ARHGAP6: variants seen among roughly 807,000 people sequenced by gnomAD.
The protein encoded by ARHGAP6 is rho GTPase-activating protein 6.
In ARHGAP6, 16 loss-of-function variants were observed where a neutral mutation model predicts 55.7. The ratio of observed to expected loss-of-function variants is 0.29; its 90% CI spans 0.19 to 0.44. ARHGAP6 has a LOEUF of 0.44. Among genes scored for constraint, ARHGAP6 ranks in the 20% least tolerant of loss-of-function variants. The pLI is 1.00. For synonymous variants in ARHGAP6, 382 were observed against 360.9 expected (o/e 1.06, Z -0.66); for missense variants, 698 against 808.9 (o/e 0.86, Z 1.66).
At chrX:11,238,474 T>G (rs994017761) in intron 2 of ARHGAP6, among the ~76,000 whole-genome samples, 10 of 112,123 alleles carry the variant, frequency 8.9e-5, no homozygotes, top group Admixed American at 4.7e-4. Context: ...TGTTTAGCAT[T>G]TAGAGAAGAC....
intron 1 of ARHGAP6, among the ~76,000 whole-genome samples, chrX:11,490,174 G>A (rs1161115268): frequency 1.8e-5 from 2 of 111,162 alleles, no homozygotes; most frequent in Non-Finnish European, 3.8e-5. Flanking sequence ...AAAGTGATAC[G>A]ATTCCATTCC....
At chrX:11,241,065 C>G (rs1213029597) in intron 2 of ARHGAP6, among the ~76,000 whole-genome samples, 2 of 92,692 alleles carry the variant, frequency 2.2e-5, no homozygotes, top group Non-Finnish European at 4.2e-5. Flanking sequence ...TCACTGCACT[C>G]CAGCCTGGGC....
chrX:11,653,000 G>A (rs1042389454), intron 1 of ARHGAP6, among the ~76,000 whole-genome samples: 41 of 111,955 alleles, frequency 3.7e-4, no homozygotes, highest in African/African-American at 1.3e-3. Flanking sequence ...ACTTAGTGCT[G>A]CTGCGTTTTT....
chrX:11,506,003 T>C (rs932627746), intron 1 of ARHGAP6, among the ~76,000 whole-genome samples: 2 of 110,987 alleles, frequency 1.8e-5, no homozygotes, highest in Non-Finnish European at 3.8e-5. Context: ...AGTTTACCTA[T>C]ATAGCAAACC....
intron 1 of ARHGAP6, among the ~76,000 whole-genome samples, chrX:11,265,438 T>C (rs752894032): frequency 3.6e-5 from 4 of 111,982 alleles, no homozygotes; most frequent in Non-Finnish European, 7.5e-5. Context: ...AATTATGCTG[T>C]TCTGTTAATC....
At chrX:11,257,898 G>T (rs1290755853) in intron 1 of ARHGAP6, among the ~76,000 whole-genome samples, 1 of 111,687 alleles carries the variant, frequency 9.0e-6, no homozygotes, top group Non-Finnish European at 1.9e-5. Context: ...AGGGGGCAGG[G>T]TTCGCCCAGT....
intron 1 of ARHGAP6, among the ~76,000 whole-genome samples, chrX:11,328,084 C>A (rs952064589): frequency 8.9e-6 from 1 of 112,422 alleles, no homozygotes; most frequent in African/African-American, 3.2e-5. Flanking sequence ...TTGAATCCTT[C>A]ACATTACAAG....
intron 1 of ARHGAP6, among the ~76,000 whole-genome samples, chrX:11,656,640 T>C (rs1812086077): frequency 9.0e-6 from 1 of 111,447 alleles, no homozygotes; most frequent in African/African-American, 3.3e-5. Context: ...CCCTCCCTCC[T>C]TTCCGCTCTC....
chrX:11,556,608 C>A (rs2051322289), intron 1 of ARHGAP6, among the ~76,000 whole-genome samples: 1 of 112,106 alleles, frequency 8.9e-6, no homozygotes, highest in African/African-American at 3.2e-5. Context: ...GAAGGTGAGG[C>A]TCTTTGTGGA....
intron 1 of ARHGAP6, among the ~76,000 whole-genome samples, chrX:11,554,112 T>TA (rs992389151): frequency 2.7e-5 from 3 of 111,962 alleles, no homozygotes; most frequent in African/African-American, 6.5e-5. Flanking sequence ...CATTCCACCA[T>TA]AAAAAAAGAA....
At chrX:11,647,685 A>G (rs2052544319) in intron 1 of ARHGAP6, among the ~76,000 whole-genome samples, 1 of 112,037 alleles carries the variant, frequency 8.9e-6, no homozygotes, top group Non-Finnish European at 1.9e-5. Flanking sequence ...AGGACAGGAG[A>G]ATGTGGGCTG....
chrX:11,172,581 C>T (rs1313822277), intron 8 of ARHGAP6, among the ~76,000 whole-genome samples: 1 of 111,791 alleles, frequency 8.9e-6, no homozygotes, highest in Non-Finnish European at 1.9e-5. Context: ...CAATCTAGAG[C>T]TCTGTTTCCG....
At chrX:11,321,802 C>CT (rs911684880) in intron 1 of ARHGAP6, among the ~76,000 whole-genome samples, 11 of 112,019 alleles carry the variant, frequency 9.8e-5, no homozygotes, top group African/African-American at 3.6e-4. Flanking sequence ...GAATGGCGCA[C>CT]TTTCATCATT....
At chrX:11,246,613 G>C (rs1340469570) in intron 2 of ARHGAP6, among the ~76,000 whole-genome samples, 1 of 111,986 alleles carries the variant, frequency 8.9e-6, no homozygotes, top group Non-Finnish European at 1.9e-5. Context: ...CTACTCCATG[G>C]GAAGTCACCA....
chrX:11,376,173 CATCT>C (rs1251795037), intron 1 of ARHGAP6, among the ~76,000 whole-genome samples: 2 of 112,098 alleles, frequency 1.8e-5, no homozygotes, highest in Non-Finnish European at 3.8e-5. Context: ...AACAGAAACT[CATCT>C]ATTGGCAGAA....
chrX:11,392,356 A>G (rs1018858324), intron 1 of ARHGAP6, among the ~76,000 whole-genome samples: 4 of 110,617 alleles, frequency 3.6e-5, no homozygotes, highest in African/African-American at 1.3e-4. Context: ...CATCACTCTC[A>G]TTTCCTTATC....
chrX:11,311,927 C>T (rs1445409303), intron 1 of ARHGAP6, among the ~76,000 whole-genome samples: 1 of 111,509 alleles, frequency 9.0e-6, no homozygotes, highest in African/African-American at 3.3e-5. Context: ...TTGGCCACTA[C>T]TCAGGTTTGC....
At chrX:11,641,966 A>G (rs1449044583) in intron 1 of ARHGAP6, among the ~76,000 whole-genome samples, 1 of 111,896 alleles carries the variant, frequency 8.9e-6, no homozygotes, top group African/African-American at 3.2e-5. Flanking sequence ...TTAAAAAGAT[A>G]GCAAACATCC....
intron 1 of ARHGAP6, among the ~76,000 whole-genome samples, chrX:11,279,082 A>G (rs2047817421): frequency 9.0e-6 from 1 of 111,528 alleles, no homozygotes; most frequent in Admixed American, 9.6e-5. Flanking sequence ...GATAATGGCA[A>G]TAACAAAGGG....
Sources: allele counts gnomAD v4.1 joint callset (sites outside exome capture counted in the v4.1 genomes callset), GRCh38; gene constraint gnomAD v4.1.1; transcripts MANE v1.5; gene names NCBI Gene and HGNC (gene_info 2026-07-23, HGNC 2026-07-21).